The following PROZ variants were observed in gnomAD, a reference collection of about 807,000 sequenced individuals.
PROZ encodes the protein vitamin K-dependent protein Z.
In PROZ, 46 loss-of-function variants were observed where a neutral mutation model predicts 34.9. That is an observed-to-expected ratio of 1.32 (90% CI 1.04 to 1.69). The LOEUF (loss-of-function observed/expected upper bound fraction) is 1.69. Ranked by LOEUF, PROZ falls within the 40% of genes most tolerant of loss-of-function variation. The pLI, the probability that PROZ is intolerant of heterozygous loss-of-function variation, is 0.00. For synonymous variants in PROZ, 195 were observed against 208.5 expected, an observed-to-expected ratio of 0.94 and a Z score of 0.56; for missense variants, 530 against 520.4, an observed-to-expected ratio of 1.02 and a Z score of -0.18.
chr13:113,172,164 C>G lies in PROZ; in HGVS notation c.*59C>G. ...CCGGAAGCGGGATTCCAAGCTGGCA[C>G]TGCCACTGTGGAGGGCGCTGAAACT... is the stretch of plus-strand genomic sequence containing the variant. On this transcript the variant is annotated 3_prime_UTR_variant, in exon 8 of 8. Coordinates refer to ENST00000375547, the MANE Select transcript of PROZ (RefSeq NM_003891.3). 6.3e-7 allele frequency: 1 copy of G among 1,592,044 alleles called. No homozygotes were observed. The highest frequency in any genetic ancestry group is 8.6e-7 in the Non-Finnish European group (1 of 1,168,146).
At chr13:113,169,538 C>G (rs2037046397) in intron 6 of PROZ, among the ~76,000 whole-genome samples, 1 of 152,196 alleles carries the variant, frequency 6.6e-6, no homozygotes, top group Non-Finnish European at 1.5e-5. Flanking sequence ...TATACATACA[C>G]TTGGATATTG....
chr13:113,164,136 C>T (rs188199986), intron 4 of PROZ, among the ~76,000 whole-genome samples: 28 of 152,036 alleles, frequency 1.8e-4, no homozygotes, highest in Middle Eastern at 3.4e-3. Context: ...CGCGCCACCA[C>T]GCCTGGCTAA....
In PROZ at chr13:113,171,661, T is replaced by C. The variant is rs2138613431; in HGVS notation, c.759T>C (p.Tyr253=). The change falls in exon 8 of 8, where the codon TAT becomes TAC. Residue 253 remains tyrosine, a synonymous_variant. Transcript: ENST00000375547. The surrounding 1 kb of genome is among the most constrained non-coding windows in gnomAD (Gnocchi z 5.1). The part of the protein sequence containing the change: ...KITHVHVHMR[Y]DADAGENDLS... ...CGCACGTCCATGTGCACATGCGGTA[T>C]GACGCGGACGCGGGGGAGAATGACC... 6.2e-7 allele frequency: 1 copy of C among 1,614,104 alleles called. No individual in the cohort carries two copies. The highest frequency in any genetic ancestry group is 8.5e-7 in the Non-Finnish European group (1 of 1,180,040).
rs1206862781 is a variant in PROZ at position 113,159,001 on chromosome 13, G to A, written c.70+271G>A. Among the ~76,000 whole-genome samples, 1 of 151,182 alleles carries A rather than the reference G, an allele frequency of 6.6e-6. No homozygotes were observed. Among genetic ancestry groups the A allele is most frequent in the African/African-American group, 2.4e-5 (1 of 41,056 alleles). ...TTCAGCCGGGAAAGGCCGGGGAGAG[G>A]GGAGGGGGAAAGGGGGAGGAGTGGG... On this transcript the variant is annotated intron_variant, in intron 1 of 7. Coordinates refer to ENST00000375547, the MANE Select transcript of PROZ (RefSeq NM_003891.3). This position sits in a 1 kb window ranked among gnomAD's most constrained non-coding sequence, Gnocchi z 4.6.
chr13:113,160,288 C>G (rs1421627324), intron 2 of PROZ, 111 bp downstream of exon 2: 1 of 1,336,878 alleles, frequency 7.5e-7, no homozygotes, highest in African/African-American at 1.4e-5. Flanking sequence ...ATTTACTTAC[C>G]GATGAGGTTG....
At chr13:113,166,188 T>G (rs1464251769) in intron 6 of PROZ, 2 of 152,238 alleles carry the variant, frequency 1.3e-5, no homozygotes, top group African/African-American at 4.8e-5. Context: ...ATTTAAAATT[T>G]TCTAGTAGCC....
chr13:113,162,961 G>C (rs1308158056), intron 3 of PROZ, 48 bp from the exon 4 acceptor site: 2 of 1,261,666 alleles, frequency 1.6e-6, no homozygotes, highest in Non-Finnish European at 1.1e-6. Context: ...TCCTGCTCAG[G>C]TCCCCGTTCC....
chr13:113,163,069 G>C lies in PROZ; in HGVS notation c.320G>C (p.Trp107Ser). 1 of 1,562,990 alleles carries C rather than the reference G, an allele frequency of 6.4e-7. No individual in the cohort carries two copies. The highest frequency in any genetic ancestry group is 2.4e-5 in the East Asian group (1 of 41,870). Residue 107 changes from tryptophan to serine, a missense_variant, in exon 4 of 8, where the codon TGG (tryptophan) becomes TCG (serine). By Grantham distance (177) the Trp-to-Ser change is radical. Coordinates refer to ENST00000375547, the MANE Select transcript of PROZ (RefSeq NM_003891.3). Reference sequence around the variant, plus strand: ...AACGGCTCTTGCCAGGACAGCATCTGGGGCTACACCTGCACCTGCTCCCCC... The same window carrying C: ...AACGGCTCTTGCCAGGACAGCATCTCGGGCTACACCTGCACCTGCTCCCCC... ...LHNGSCQDSIWGYTCTCSPGY... is the reference protein window; with the variant it reads ...LHNGSCQDSISGYTCTCSPGY...
Position 113,171,805 on chromosome 13 carries a change from C to A in PROZ, c.903C>A (p.Ser301Arg). The change falls in exon 8 of 8, where the codon AGC (serine) becomes AGA (arginine). Residue 301 changes from serine (S) to arginine (R), a missense_variant. Coordinates refer to ENST00000375547, the MANE Select transcript of PROZ (RefSeq NM_003891.3). This position sits in a 1 kb window ranked among gnomAD's most constrained non-coding sequence, Gnocchi z 5.1. The part of the protein sequence containing the change: ...LLIPRTRGLL[S>R]GWARNGTDLG... ...TCCCACGCACCAGGGGCCTCCTCAG[C>A]GGCTGGGCACGCAATGGCACTGACC... The A allele has an allele frequency of 6.2e-7, 1 of 1,613,442 alleles. No homozygotes were observed. The highest frequency in any genetic ancestry group is 1.3e-5 in the African/African-American group (1 of 75,034).
In PROZ at chr13:113,164,221, G is replaced by A. The variant is rs527254541; in HGVS notation, c.374-292G>A. On this transcript the variant is annotated intron_variant, in intron 4 of 7. Transcript: ENST00000375547. ...TCTTGATCTCCTGACCTCGTGATCCGCCCACCTCGGCCTCCCAAAGTGCTG... is the reference window on the plus strand; with the variant it reads ...TCTTGATCTCCTGACCTCGTGATCCACCCACCTCGGCCTCCCAAAGTGCTG... 1.3e-4 allele frequency among the ~76,000 whole-genome samples: 19 copies of A among 151,984 alleles called. 1 individual carries two copies. Among genetic ancestry groups the A allele is most frequent in the South Asian group, 8.3e-4 (4 of 4,816 alleles).
chr13:113,161,649 G>A (rs1414535235), intron 3 of PROZ, among the ~76,000 whole-genome samples: 1 of 152,138 alleles, frequency 6.6e-6, no homozygotes, highest in African/African-American at 2.4e-5. Flanking sequence ...CAGAGTGGGA[G>A]GCACTGGCAG....
Position 113,170,396 on chromosome 13 carries a change from T to G in PROZ, c.574-17T>G. Reference sequence around the variant, plus strand: ...AAATTGTCACCAGCTATTTATTGTCTGTTTTGATTTTTAAAGGTAAAGTTA... The same window carrying G: ...AAATTGTCACCAGCTATTTATTGTCGGTTTTGATTTTTAAAGGTAAAGTTA... On this transcript the variant is annotated splice_polypyrimidine_tract_variant and intron_variant, in intron 6 of 7. Coordinates refer to ENST00000375547, the MANE Select transcript of PROZ (RefSeq NM_003891.3). 1 of 1,437,460 alleles carries G rather than the reference T, an allele frequency of 7.0e-7. No individual in the cohort carries two copies. Among genetic ancestry groups the G allele is most frequent in the Non-Finnish European group, 9.8e-7 (1 of 1,019,316 alleles). 89.0% of individuals were successfully genotyped at this position (1,437,460 alleles called of 1,614,324 possible). A position where few individuals can be genotyped will look rare whatever the true frequency, so the allele number is the denominator to read the frequency against.
At position 113,171,937 on chromosome 13, in the gene PROZ, C is replaced by A. The variant is rs764749239; in HGVS notation, c.1035C>A (p.Ser345Arg). 2 of 1,613,688 alleles carry A rather than the reference C, an allele frequency of 1.2e-6. No homozygotes were observed. Among genetic ancestry groups the A allele is most frequent in the East Asian group, 4.5e-5 (2 of 44,884 alleles). Residue 345 changes from serine (S) to arginine (R), a missense_variant, in exon 8 of 8, where the codon AGC (serine) becomes AGA (arginine). Transcript: ENST00000375547. This position sits in a 1 kb window ranked among gnomAD's most constrained non-coding sequence, Gnocchi z 5.1. ...VTTRTYCERS[S>R]VAAMHWMDGS... is the part of the protein sequence containing the mutation. ...CCAGGACCTACTGTGAGAGAAGCAG[C>A]GTGGCGGCCATGCACTGGATGGATG...
At chr13:113,163,981 A>G (rs201315287) in intron 4 of PROZ, among the ~76,000 whole-genome samples, 11 of 112,136 alleles carry the variant, frequency 9.8e-5, no homozygotes, top group African/African-American at 3.5e-4. Flanking sequence ...TTTTTTTTTA[A>G]TTTTTATTTT....
intron 6 of PROZ, among the ~76,000 whole-genome samples, chr13:113,169,548 G>A (rs2037046830): frequency 6.6e-6 from 1 of 152,160 alleles, no homozygotes; most frequent in African/African-American, 2.4e-5. Context: ...CTTGGATATT[G>A]TCCTAGGACA....
At chr13:113,163,189 A>G (rs2036797115) in intron 4 of PROZ, 67 bp downstream of exon 4, 2 of 1,343,490 alleles carry the variant, frequency 1.5e-6, no homozygotes, top group Admixed American at 2.0e-5. Context: ...ATCCTCGGCC[A>G]GAGTCCCAAT....
intron 6 of PROZ, among the ~76,000 whole-genome samples, chr13:113,167,202 G>A (rs1566930295): frequency 2.0e-5 from 3 of 152,272 alleles, no homozygotes; most frequent in African/African-American, 7.2e-5. Context: ...GACTGATGGC[G>A]CAAGTGCCGT....
chr13:113,159,789 A>G lies in PROZ; in HGVS notation c.71-225A>G, dbSNP rs1017329986. Among the ~76,000 whole-genome samples the G allele has an allele frequency of 6.6e-6, 1 of 152,062 alleles. No individual in the cohort carries two copies. Among genetic ancestry groups the G allele is most frequent in the East Asian group, 1.9e-4 (1 of 5,176 alleles). The stretch of plus-strand genomic sequence containing the variant: ...GCCCGTGGCCTCTCTGCAGAACCTT[A>G]GTGTATCCGCACTGATCCTGGGGCT... On this transcript the variant is annotated intron_variant, in intron 1 of 7. Coordinates refer to ENST00000375547, the MANE Select transcript of PROZ (RefSeq NM_003891.3). This position sits in a 1 kb window ranked among gnomAD's most constrained non-coding sequence, Gnocchi z 4.6.
chr13:113,158,738 T>C lies in PROZ; in HGVS notation c.70+8T>C. On this transcript the variant is annotated splice_region_variant and intron_variant, in intron 1 of 7. Transcript: ENST00000375547. This position sits in a 1 kb window ranked among gnomAD's most constrained non-coding sequence, Gnocchi z 4.3. ...ATCGTGTGGAGCCCTCAGGTAGGCA[T>C]CTGGCTTACCTGTCTGTTGTGCCTG... 1.3e-6 allele frequency: 2 copies of C among 1,597,730 alleles called. No individual in the cohort carries two copies. Among genetic ancestry groups the C allele is most frequent in the Non-Finnish European group, 1.7e-6 (2 of 1,172,320 alleles).
Sources: gnomAD v4.1 joint callset for allele counts (sites outside exome capture counted in the v4.1 genomes callset) on GRCh38, gnomAD v4.1.1 for gene constraint, Gnocchi (gnomAD v3.1) non-coding constraint, MANE v1.5 for transcripts, NCBI Gene and HGNC (gene_info 2026-07-23, HGNC 2026-07-21) for gene names.